The following CSMD1 variants were observed in gnomAD, a reference collection of about 807,000 sequenced individuals.
The protein encoded by CSMD1 is CUB and sushi domain-containing protein 1.
In CSMD1, 213 loss-of-function variants were observed where a neutral mutation model predicts 417.5. The observed-to-expected ratio is 0.51, with a 90% CI of 0.46 to 0.57. The LOEUF is 0.57. CSMD1 is among the 20% of genes least tolerant of loss of function. The probability of loss-of-function intolerance (pLI) is 0.00; values close to 1 mark genes in which losing one functional copy is unlikely to be tolerated. For synonymous variants in CSMD1, 2,862 were observed against 1,736.8 expected (o/e 1.65, Z -16.11); for missense variants, 6,923 against 4,529.7 (o/e 1.53, Z -15.17).
intron 2 of CSMD1, among the ~76,000 whole-genome samples, chr8:4,422,454 G>C (rs1234298734): frequency 6.6e-6 from 1 of 152,030 alleles, no homozygotes; most frequent in Admixed American, 6.6e-5. Context: ...CATAGGGTAA[G>C]CATACGGTAA....
chr8:4,593,014 T>C (rs774877700), intron 2 of CSMD1, among the ~76,000 whole-genome samples: 1 of 152,198 alleles, frequency 6.6e-6, no homozygotes, highest in African/African-American at 2.4e-5. Context: ...ATTTAGAAAA[T>C]TTCTTATTGG....
At chr8:3,721,644 A>C (rs1325237251) in intron 6 of CSMD1, among the ~76,000 whole-genome samples, 3 of 152,030 alleles carry the variant, frequency 2.0e-5, no homozygotes, top group African/African-American at 7.2e-5. Context: ...AAATACCTTT[A>C]TTTTGCTGTT....
intron 41 of CSMD1, chr8:3,128,660 T>C (rs1174982866): frequency 6.2e-6 from 2 of 322,246 alleles, no homozygotes; most frequent in Non-Finnish European, 1.2e-5. Context: ...TCTAATTAAG[T>C]GTCACCTCTG....
At chr8:4,311,595 C>T (rs6995802) in intron 3 of CSMD1, among the ~76,000 whole-genome samples, 70,974 of 151,362 alleles carry the variant, frequency 0.47, 17,511 homozygotes, top group Non-Finnish European at 0.55. Flanking sequence ...TGGTTGTGGG[C>T]GCCTGTAGTC....
chr8:3,404,711 T>C (rs1812241071), intron 15 of CSMD1, among the ~76,000 whole-genome samples: 1 of 152,230 alleles, frequency 6.6e-6, no homozygotes, highest in Non-Finnish European at 1.5e-5. Flanking sequence ...TTTTGGTGTG[T>C]AGCCTTTTTT....
intron 2 of CSMD1, among the ~76,000 whole-genome samples, chr8:4,633,589 C>G (rs746755213): frequency 1.0e-4 from 15 of 143,972 alleles, no homozygotes; most frequent in Non-Finnish European, 2.1e-4. Context: ...TGAAGTCTAC[C>G]TCTGTCACCC....
intron 3 of CSMD1, among the ~76,000 whole-genome samples, chr8:4,368,813 C>T (rs533387439): frequency 2.0e-5 from 3 of 152,146 alleles, no homozygotes; most frequent in African/African-American, 4.8e-5. Context: ...GTAATGTCAG[C>T]TTTGTCATTT....
chr8:3,110,355 A>G lies in CSMD1; in HGVS notation c.6431-20T>C, dbSNP rs776873160. 6.3e-7 allele frequency: 1 copy of G among 1,580,772 alleles called. No homozygotes were observed. The highest frequency in any genetic ancestry group is 2.3e-5 in the East Asian group (1 of 44,076). ...AAGGGGCTGCAAAGGAAACCAAGAAAAAACAAGCGCCATACAGCTGATTTT... is the reference window on the plus strand; with the variant it reads ...AAGGGGCTGCAAAGGAAACCAAGAAGAAACAAGCGCCATACAGCTGATTTT... On this transcript the variant is annotated intron_variant, in intron 42 of 69. Transcript: ENST00000635120.
chr8:4,758,085 A>G (rs1369251192), intron 1 of CSMD1, among the ~76,000 whole-genome samples: 1 of 152,076 alleles, frequency 6.6e-6, no homozygotes, highest in Non-Finnish European at 1.5e-5. Context: ...TTCTCAGGTG[A>G]GAAATTTCCA....
chr8:3,753,854 A>T (rs1797497617), intron 6 of CSMD1, 76 bp downstream of exon 6: 1 of 1,033,800 alleles, frequency 9.7e-7, no homozygotes. Flanking sequence ...CCAACTCCTA[A>T]AATTTCATGG....
At chr8:4,942,812 G>A (rs980850374) in intron 1 of CSMD1, among the ~76,000 whole-genome samples, 1 of 152,216 alleles carries the variant, frequency 6.6e-6, no homozygotes, top group Non-Finnish European at 1.5e-5. Flanking sequence ...CTTAAATGAA[G>A]CTGTGATAAT....
At chr8:4,594,578 G>C (rs1416912187) in intron 2 of CSMD1, among the ~76,000 whole-genome samples, 2 of 151,976 alleles carry the variant, frequency 1.3e-5, no homozygotes, top group South Asian at 4.2e-4. Context: ...TTTTTTGGAG[G>C]GGGGCACAAC....
intron 1 of CSMD1, among the ~76,000 whole-genome samples, chr8:4,726,472 C>CT (rs906866189): frequency 1.2e-4 from 18 of 151,948 alleles, no homozygotes; most frequent in East Asian, 3.9e-4. Flanking sequence ...GTCTGCTTCA[C>CT]TTTTTTTTAC....
chr8:2,948,723 T>G (rs1003007116), intron 68 of CSMD1, among the ~76,000 whole-genome samples: 2 of 152,094 alleles, frequency 1.3e-5, no homozygotes, highest in African/African-American at 2.4e-5. Flanking sequence ...ATTTACACAT[T>G]TGCCTGATTA....
chr8:3,321,722 G>C (rs1403946557), intron 23 of CSMD1, among the ~76,000 whole-genome samples: 1 of 152,152 alleles, frequency 6.6e-6, no homozygotes, highest in Non-Finnish European at 1.5e-5. Flanking sequence ...TTCAAATAAA[G>C]TAGTAAGCTT....
At chr8:4,728,823 C>T (rs1809645780) in intron 1 of CSMD1, among the ~76,000 whole-genome samples, 1 of 151,698 alleles carries the variant, frequency 6.6e-6, no homozygotes, top group Admixed American at 6.6e-5. Flanking sequence ...GTTCAAAACA[C>T]CTCGAAACAA....
intron 3 of CSMD1, among the ~76,000 whole-genome samples, chr8:4,082,583 A>C (rs1283571525): frequency 1.3e-5 from 2 of 151,344 alleles, no homozygotes; most frequent in African/African-American, 4.8e-5. Context: ...ATGAGCCTAG[A>C]AGAAAAAAAC....
At chr8:4,457,290 T>A (rs1422371070) in intron 2 of CSMD1, among the ~76,000 whole-genome samples, 1 of 152,152 alleles carries the variant, frequency 6.6e-6, no homozygotes, top group African/African-American at 2.4e-5. Flanking sequence ...ATCATTTGAA[T>A]TGCATCTTTC....
chr8:4,257,208 G>C (rs202187188), intron 3 of CSMD1, among the ~76,000 whole-genome samples: 2 of 141,762 alleles, frequency 1.4e-5, no homozygotes, highest in East Asian at 2.1e-4. Flanking sequence ...AAGCATGAGA[G>C]TTTTATTGAA....
Sources: allele counts gnomAD v4.1 joint callset (sites outside exome capture counted in the v4.1 genomes callset), GRCh38; gene constraint gnomAD v4.1.1; transcripts MANE v1.5; gene names NCBI Gene and HGNC (gene_info 2026-07-23, HGNC 2026-07-21).